The following TNNI3K variants were observed in gnomAD, a reference collection of about 807,000 sequenced individuals.
The protein encoded by TNNI3K is TNNI3 interacting kinase, also known as serine/threonine-protein kinase TNNI3K.
In TNNI3K, 140 loss-of-function variants were observed where a neutral mutation model predicts 114.5. That is an observed-to-expected ratio of 1.22 (90% CI 1.07 to 1.41). TNNI3K has a LOEUF of 1.41. TNNI3K is among the 40% of genes most tolerant of loss of function. TNNI3K has a pLI of 0.00. For synonymous variants in TNNI3K, 347 were observed against 347.5 expected, an observed-to-expected ratio of 1.00 and a Z score of 0.02; for missense variants, 1,125 against 1,007.6, an observed-to-expected ratio of 1.12 and a Z score of -1.58.
chr1:74,453,937 T>C (rs1007321974), intron 20 of TNNI3K, among the ~76,000 whole-genome samples: 1 of 152,210 alleles, frequency 6.6e-6, no homozygotes, highest in African/African-American at 2.4e-5. Flanking sequence ...ATGTTGGCAA[T>C]TAATTCAGCA....
At chr1:74,369,812 T>A in intron 16 of TNNI3K, 1 of 472,062 alleles carries the variant, frequency 2.1e-6, no homozygotes. Context: ...ATAACAAATT[T>A]AAGGAATTTA....
At chr1:74,274,129 T>C (rs186519351) in intron 5 of TNNI3K, among the ~76,000 whole-genome samples, 70 of 152,062 alleles carry the variant, frequency 4.6e-4, no homozygotes, top group Admixed American at 3.2e-3. Flanking sequence ...GTATTTTTAA[T>C]GTTACATGTA....
intron 23 of TNNI3K, among the ~76,000 whole-genome samples, chr1:74,521,250 C>A (rs148710950): frequency 6.6e-6 from 1 of 152,058 alleles, no homozygotes; most frequent in Non-Finnish European, 1.5e-5. Context: ...TTTCTCTGTG[C>A]GATCTTGCCC....
chr1:74,273,423 G>A (rs1005434870), intron 5 of TNNI3K, among the ~76,000 whole-genome samples: 5 of 151,872 alleles, frequency 3.3e-5, no homozygotes, highest in Non-Finnish European at 5.9e-5. Context: ...AAACATTAAG[G>A]GATCTGGGTG....
At chr1:74,322,958 G>A (rs1447071769) in intron 5 of TNNI3K, among the ~76,000 whole-genome samples, 5 of 152,066 alleles carry the variant, frequency 3.3e-5, no homozygotes, top group Non-Finnish European at 7.4e-5. Context: ...CTTCTAAGAT[G>A]CAAATTAAAC....
intron 4 of TNNI3K, 119 bp from the exon 5 acceptor site, chr1:74,271,479 C>G: frequency 2.3e-6 from 2 of 888,320 alleles, no homozygotes; most frequent in South Asian, 4.0e-5. Context: ...AGAAATCACA[C>G]TTAAGTTTCC....
chr1:74,281,407 C>G (rs1657009368), intron 5 of TNNI3K, among the ~76,000 whole-genome samples: 1 of 151,284 alleles, frequency 6.6e-6, no homozygotes, highest in Non-Finnish European at 1.5e-5. Flanking sequence ...AGCACATAAA[C>G]TTTAGGAAAG....
chr1:74,282,325 TCA>T (rs947560339), intron 5 of TNNI3K, among the ~76,000 whole-genome samples: 48 of 152,248 alleles, frequency 3.2e-4, no homozygotes, highest in African/African-American at 1.1e-3. Context: ...ATATATTTTC[TCA>T]CAGTTCAGGG....
intron 5 of TNNI3K, among the ~76,000 whole-genome samples, chr1:74,300,878 G>A (rs519403): frequency 1 from 151,883 of 152,282 alleles, 75,744 homozygotes; most frequent in Non-Finnish European, 1. Flanking sequence ...TCTCTCTAAC[G>A]TAATCATAAT....
chr1:74,339,540 G>A (rs1660648694), intron 7 of TNNI3K, among the ~76,000 whole-genome samples: 1 of 152,052 alleles, frequency 6.6e-6, no homozygotes, highest in Non-Finnish European at 1.5e-5. Context: ...CCCAAAGAGA[G>A]TACAATTTGA....
intron 17 of TNNI3K, chr1:74,371,347 G>C (rs1395988241): frequency 1.3e-5 from 2 of 151,738 alleles, no homozygotes. Context: ...ACTACATTCA[G>C]GGAGTTTTCA....
intron 5 of TNNI3K, among the ~76,000 whole-genome samples, chr1:74,286,293 A>G (rs990909248): frequency 1.1e-4 from 17 of 152,034 alleles, no homozygotes; most frequent in African/African-American, 3.6e-4. Flanking sequence ...TCTGGCCCCC[A>G]TGGACCCAGC....
chr1:74,427,030 C>T (rs1665671797), intron 17 of TNNI3K, among the ~76,000 whole-genome samples: 1 of 152,010 alleles, frequency 6.6e-6, no homozygotes, highest in African/African-American at 2.4e-5. Context: ...TGATCTTTTC[C>T]TTTCAATTCT....
At chr1:74,397,982 TAAATAGCA>T (rs2100584005) in intron 17 of TNNI3K, among the ~76,000 whole-genome samples, 1 of 152,160 alleles carries the variant, frequency 6.6e-6, no homozygotes, top group East Asian at 1.9e-4. Context: ...CAGGGCCTAA[TAAATAGCA>T]GGGGGAAAAA....
intron 23 of TNNI3K, among the ~76,000 whole-genome samples, chr1:74,496,940 A>G (rs1669356693): frequency 6.6e-6 from 1 of 152,172 alleles, no homozygotes; most frequent in Non-Finnish European, 1.5e-5. Flanking sequence ...GCTGGGCTCT[A>G]AGAATAGAAT....
intron 21 of TNNI3K, among the ~76,000 whole-genome samples, chr1:74,473,598 G>C (rs78430300): frequency 4.0e-4 from 61 of 151,632 alleles, no homozygotes; most frequent in Non-Finnish European, 6.8e-4. Flanking sequence ...GTAGACAGGA[G>C]ATGTACTCTC....
chr1:74,435,555 T>C (rs1363436404), intron 17 of TNNI3K, among the ~76,000 whole-genome samples: 1 of 152,080 alleles, frequency 6.6e-6, no homozygotes, highest in Non-Finnish European at 1.5e-5. Context: ...TTAGTTGGCA[T>C]CATTTCACAG....
chr1:74,541,115 T>C (rs1284392377), intron 24 of TNNI3K, among the ~76,000 whole-genome samples: 2 of 152,142 alleles, frequency 1.3e-5, no homozygotes, highest in Non-Finnish European at 2.9e-5. Context: ...TGAAAAAGTA[T>C]CTGTCAGTTA....
At chr1:74,353,024 A>G (rs1002307072) in intron 9 of TNNI3K, among the ~76,000 whole-genome samples, 2 of 152,118 alleles carry the variant, frequency 1.3e-5, no homozygotes, top group Admixed American at 1.3e-4. Flanking sequence ...AAATGCAGAA[A>G]TCACCCATCT....
Sources: gnomAD v4.1 joint callset for allele counts (sites outside exome capture counted in the v4.1 genomes callset) on GRCh38, gnomAD v4.1.1 for gene constraint, MANE v1.5 for transcripts, NCBI Gene and HGNC (gene_info 2026-07-23, HGNC 2026-07-21) for gene names.